AGBL1: variants seen among roughly 807,000 people sequenced by gnomAD.
The protein encoded by AGBL1 is cytosolic carboxypeptidase 4.
Under a neutral mutation model 118.9 loss-of-function variants are expected in AGBL1, and 130 were observed. That is an observed-to-expected ratio of 1.09 (90% CI 0.95 to 1.26). The LOEUF is 1.26. AGBL1 is among the 50% of genes most tolerant of loss of function. AGBL1 has a pLI of 0.00. For missense variants in AGBL1, 1,584 were observed against 1,298.1 expected (o/e 1.22, Z -3.38); for synonymous variants, 555 against 478.9 (o/e 1.16, Z -2.08).
intron 23 of AGBL1, among the ~76,000 whole-genome samples, chr15:86,973,562 C>T (rs549104247): frequency 1.3e-5 from 2 of 152,012 alleles, no homozygotes; most frequent in African/African-American, 4.8e-5. Flanking sequence ...TGTCAATCAT[C>T]CAAAAGCATC....
chr15:86,968,171 G>A (rs1340017221), intron 23 of AGBL1, among the ~76,000 whole-genome samples: 1 of 151,798 alleles, frequency 6.6e-6, no homozygotes, highest in African/African-American at 2.4e-5. Context: ...AAAATCATTT[G>A]GAGTAGTGAC....
intron 22 of AGBL1, among the ~76,000 whole-genome samples, chr15:86,733,681 T>C (rs183960018): frequency 6.6e-6 from 1 of 152,320 alleles, no homozygotes; most frequent in African/African-American, 2.4e-5. Flanking sequence ...TCATTCTATA[T>C]GTGCTCGTAA....
intron 18 of AGBL1, among the ~76,000 whole-genome samples, chr15:86,498,149 G>T (rs2142155337): frequency 6.6e-6 from 1 of 151,948 alleles, no homozygotes; most frequent in South Asian, 2.1e-4. Context: ...ATCCCAGGGA[G>T]ACATAACACA....
intron 21 of AGBL1, among the ~76,000 whole-genome samples, chr15:86,568,878 G>A (rs558732255): frequency 1.3e-5 from 2 of 152,136 alleles, no homozygotes; most frequent in Admixed American, 1.3e-4. Flanking sequence ...CAAGGACATT[G>A]TTCCCAGAAA....
At chr15:86,410,881 TA>T (rs201731544) in intron 18 of AGBL1, among the ~76,000 whole-genome samples, 3 of 111,470 alleles carry the variant, frequency 2.7e-5, no homozygotes, top group Non-Finnish European at 5.3e-5. Flanking sequence ...ATATATATTA[TA>T]ATATATATTA....
At chr15:86,519,398 A>T (rs1287287115) in intron 18 of AGBL1, among the ~76,000 whole-genome samples, 1 of 152,170 alleles carries the variant, frequency 6.6e-6, no homozygotes, top group African/African-American at 2.4e-5. Context: ...AGCAGCTGTC[A>T]TTTCAGAAAT....
At chr15:86,625,543 T>G (rs2142422045) in intron 21 of AGBL1, among the ~76,000 whole-genome samples, 1 of 152,086 alleles carries the variant, frequency 6.6e-6, no homozygotes, top group Admixed American at 6.5e-5. Flanking sequence ...AAATGTTTTG[T>G]GACTCCTGGG....
Position 86,232,216 on chromosome 15 carries a change from A to G in AGBL1, c.526+7265A>G, listed in dbSNP as rs573752029. Among the ~76,000 whole-genome samples, 65 of 152,344 alleles carry G rather than the reference A, an allele frequency of 4.3e-4. 1 individual carries two copies. In the South Asian group the frequency reaches 0.013, roughly 31 times the overall value. ...TAGAAGAGCTTAAAAGGTTTAAGCTAAAGGGATACTACCTGTCCTCGTCGC... is the reference window on the plus strand; with the variant it reads ...TAGAAGAGCTTAAAAGGTTTAAGCTGAAGGGATACTACCTGTCCTCGTCGC... On this transcript the variant is annotated intron_variant, in intron 6 of 22. Transcript: ENST00000614907.
chr15:87,022,026 C>T (rs543327734), intron 24 of AGBL1, among the ~76,000 whole-genome samples: 1 of 152,048 alleles, frequency 6.6e-6, no homozygotes, highest in African/African-American at 2.4e-5. Flanking sequence ...TGCTGGGTGG[C>T]TAGATCCAGA....
chr15:86,991,955 G>T (rs1045786893), intron 24 of AGBL1, among the ~76,000 whole-genome samples: 1 of 152,026 alleles, frequency 6.6e-6, no homozygotes, highest in Non-Finnish European at 1.5e-5. Context: ...AGATACTGTT[G>T]GTCTGTTTTT....
intron 5 of AGBL1, among the ~76,000 whole-genome samples, chr15:86,196,877 G>GCACACACACACA (rs1411585572): frequency 1.2e-5 from 1 of 86,322 alleles, no homozygotes; most frequent in East Asian, 4.0e-4. Context: ...GTGCGCGCGC[G>GCACACACACACA]CGCACACACA....
rs920356007 is a variant in AGBL1, at chr15:87,006,278, C to G, written c.3323+18190C>G. On this transcript the variant is annotated intron_variant, in intron 24 of 24. Coordinates refer to the AGBL1 transcript ENST00000441037. Reference sequence around the variant, plus strand: ...CTGCTGCCTTTTGTTTAGCTATGCCCTGCCCCCAGAGGTGGAGTCTACAGA... The same window carrying G: ...CTGCTGCCTTTTGTTTAGCTATGCCGTGCCCCCAGAGGTGGAGTCTACAGA... 5.3e-5 allele frequency among the ~76,000 whole-genome samples: 8 copies of G among 152,316 alleles called. No homozygotes were observed. In the East Asian group the frequency reaches 9.7e-4, roughly 18 times the overall value.
At chr15:86,802,683 C>A (rs905757486) in intron 22 of AGBL1, among the ~76,000 whole-genome samples, 11 of 152,116 alleles carry the variant, frequency 7.2e-5, no homozygotes, top group African/African-American at 2.4e-4. Context: ...GAGGGACACA[C>A]AAACAAACAT....
At chr15:86,971,993 T>C (rs574027084) in intron 23 of AGBL1, among the ~76,000 whole-genome samples, 43 of 152,140 alleles carry the variant, frequency 2.8e-4, no homozygotes, top group African/African-American at 1.0e-3. Flanking sequence ...CTTCACCTTC[T>C]GCCATGATTC....
intron 17 of AGBL1, among the ~76,000 whole-genome samples, chr15:86,350,712 A>G (rs541079853): frequency 2.6e-5 from 4 of 152,218 alleles, no homozygotes; most frequent in Non-Finnish European, 5.9e-5. Context: ...AAGTTTGGCT[A>G]TCAGAGCTAG....
chr15:86,407,199 A>G lies in AGBL1; in HGVS notation c.2555+9653A>G, dbSNP rs533883390. 6.6e-5 allele frequency among the ~76,000 whole-genome samples: 10 copies of G among 152,302 alleles called. No individual in the cohort carries two copies. In the East Asian group the frequency reaches 1.9e-3, roughly 29 times the overall value. ...AACTTCTAATTATTACAACTACCTGAAAAAGTAAACTGTTTAATTTCATTT... is the reference window on the plus strand; with the variant it reads ...AACTTCTAATTATTACAACTACCTGGAAAAGTAAACTGTTTAATTTCATTT... On this transcript the variant is annotated intron_variant, in intron 18 of 22. Transcript: ENST00000614907.
At chr15:86,574,731 C>G (rs545412676) in intron 21 of AGBL1, among the ~76,000 whole-genome samples, 14 of 151,574 alleles carry the variant, frequency 9.2e-5, no homozygotes, top group Non-Finnish European at 2.1e-4. Flanking sequence ...GCAAGCACCA[C>G]CACTCCTAGC....
chr15:86,295,166 C>T (rs958670786), intron 16 of AGBL1, 89 bp from the exon 17 acceptor site: 1 of 1,448,346 alleles, frequency 6.9e-7, no homozygotes. Flanking sequence ...AACAATACTT[C>T]TAAACTATAT....
At chr15:86,419,014 G>A (rs767805306) in intron 18 of AGBL1, among the ~76,000 whole-genome samples, 1 of 152,106 alleles carries the variant, frequency 6.6e-6, no homozygotes, top group Non-Finnish European at 1.5e-5. Context: ...TCTTGGATAT[G>A]AGTAGATCAT....
Sources: gnomAD v4.1 joint callset for allele counts (sites outside exome capture counted in the v4.1 genomes callset) on GRCh38, gnomAD v4.1.1 for gene constraint, MANE v1.5 for transcripts, NCBI Gene and HGNC (gene_info 2026-07-23, HGNC 2026-07-21) for gene names.